CYP2A6: variants seen among roughly 807,000 people sequenced by gnomAD.
CYP2A6 encodes cytochrome P450 2A6.
Under a neutral mutation model 42.3 loss-of-function variants are expected in CYP2A6, and 27 were observed. The ratio of observed to expected loss-of-function variants is 0.64; its 90% CI spans 0.47 to 0.88. CYP2A6 has a LOEUF of 0.88. Among genes scored for constraint, CYP2A6 ranks in the 40% least tolerant of loss-of-function variants. The probability of loss-of-function intolerance (pLI) is 0.00; values close to 1 mark genes in which losing one functional copy is unlikely to be tolerated. For synonymous variants in CYP2A6, 238 were observed against 246.3 expected (o/e 0.97, Z 0.31); for missense variants, 628 against 646.0 (o/e 0.97, Z 0.30).
At position 40,843,645 on chromosome 19, in the gene CYP2A6, G is replaced by C. The variant is rs8192733; in HGVS notation, c.*151C>G. 415,704 of 941,984 alleles carry C rather than the reference G, an allele frequency of 0.44. 85,204 individuals are homozygous for C. Among genetic ancestry groups the C allele is most frequent in the Non-Finnish European group, 0.47 (331,243 of 703,504 alleles). 58.4% of individuals were successfully genotyped at this position (941,984 alleles called of 1,614,324 possible). A position where few individuals can be genotyped will look rare whatever the true frequency, so the allele number is the denominator to read the frequency against. On this transcript the variant is annotated 3_prime_UTR_variant, in exon 9 of 9. Coordinates refer to ENST00000301141, the MANE Select transcript of CYP2A6 (RefSeq NM_000762.6). ...GCACCTTATCAAGGTGAACTGAGCC[G>C]CTTCTGTTTCTTCTCTTCCCTCTAG... is the stretch of plus-strand genomic sequence containing the variant.
intron 8 of CYP2A6, 59 bp from the exon 9 acceptor site, chr19:40,844,036 C>T: frequency 1.3e-6 from 2 of 1,516,342 alleles, no homozygotes; most frequent in Non-Finnish European, 1.8e-6. Flanking sequence ...AGCCTCGCCC[C>T]AGTACCGACC....
At chr19:40,845,017 T>C in intron 7 of CYP2A6, 1 of 657,062 alleles carries the variant, frequency 1.5e-6, no homozygotes. Flanking sequence ...TTTCTGTCCC[T>C]ATGACAAAAG....
At chr19:40,846,399 C>T (rs1249089852) in intron 5 of CYP2A6, among the ~76,000 whole-genome samples, 7 of 150,866 alleles carry the variant, frequency 4.6e-5, no homozygotes, top group African/African-American at 7.3e-5. Flanking sequence ...TTGCACAGGC[C>T]GGACTCCAAC....
At chr19:40,844,821 G>A (rs1243339690) in intron 7 of CYP2A6, 49 bp from the exon 8 acceptor site, 4 of 1,578,788 alleles carry the variant, frequency 2.5e-6, no homozygotes, top group Non-Finnish European at 2.6e-6. Context: ...CGGGGGATTG[G>A]TGAAAGTACA....
Position 40,848,219 on chromosome 19 carries a change from C to T in CYP2A6, c.654G>A (p.Gln218=). ...IFQFTSTSTG[Q]LYEMFSSVMK... ...CACGGGCCGGGCTGCAGCCAGTTACCTGCCCCGTGGAGGTTGACGTGAACT... is the reference window on the plus strand; with the variant it reads ...CACGGGCCGGGCTGCAGCCAGTTACTTGCCCCGTGGAGGTTGACGTGAACT... The change falls in exon 4 of 9, where the codon CAG becomes CAA. Residue 218 remains glutamine (Q), a splice_region_variant and synonymous_variant. Coordinates refer to ENST00000301141, the MANE Select transcript of CYP2A6 (RefSeq NM_000762.6). 10 of 1,611,638 alleles carry T rather than the reference C, an allele frequency of 6.2e-6. 2 individuals carry two copies. The highest frequency in any genetic ancestry group is 3.3e-4 in the Middle Eastern group (2 of 6,056).
chr19:40,844,645 A>T lies in CYP2A6; in HGVS notation c.1289T>A (p.Val430Glu). 2 of 1,611,688 alleles carry T rather than the reference A, an allele frequency of 1.2e-6. No individual in the cohort carries two copies. The highest frequency in any genetic ancestry group is 1.7e-6 in the Non-Finnish European group (2 of 1,179,870). The change falls in exon 8 of 9, where the codon GTG becomes GAG. Residue 430 changes from valine (V) to glutamate (E), a missense_variant. Transcript: ENST00000301141. ...TGGTCTCTTACCGATGGAAAAGGGCACAAAAGCATCACTCTTCTTAAACTG... is the reference window on the plus strand; with the variant it reads ...TGGTCTCTTACCGATGGAAAAGGGCTCAAAAGCATCACTCTTCTTAAACTG... ...KGQFKKSDAF[V>E]PFSIGKRNCF...
At chr19:40,849,739 G>A in intron 2 of CYP2A6, 79 bp downstream of exon 2, 1 of 1,587,072 alleles carries the variant, frequency 6.3e-7, no homozygotes, top group South Asian at 1.2e-5. Flanking sequence ...CAGTTGGCAG[G>A]AGAGTCAGGG....
chr19:40,846,027 C>T lies in CYP2A6; in HGVS notation c.902G>A (p.Gly301Glu). ...LVMTTLNLFI[G>E]GTETVSTTLR... is the part of the protein sequence containing the mutation. ...GGTGGTGCTGACGGTCTCGGTGCCC[C>T]CAATGAAGAGGTTCAACGTGGTCAT... The change falls in exon 6 of 9, where the codon GGG (glycine) becomes GAG (glutamate). Residue 301 changes from glycine (G) to glutamate (E), a missense_variant. Transcript: ENST00000301141. 6.2e-7 allele frequency: 1 copy of T among 1,611,442 alleles called. No homozygotes were observed. The highest frequency in any genetic ancestry group is 1.7e-5 in the Admixed American group (1 of 59,952).
At position 40,849,051 on chromosome 19, in the gene CYP2A6, A is replaced by AGAG. The variant is rs1967170745; in HGVS notation, c.344-291_344-289dup. 2.5e-5 allele frequency among the ~76,000 whole-genome samples: 3 copies of AGAG among 118,490 alleles called. 1 individual carries two copies. The highest frequency in any genetic ancestry group is 9.9e-5 in the African/African-American group (3 of 30,386). The allele number at this position is 118,490 out of a possible 152,430, so 77.7% of individuals were successfully genotyped here. A position where few individuals can be genotyped will look rare whatever the true frequency, so the allele number is the denominator to read the frequency against. The stretch of plus-strand genomic sequence containing the variant: ...GAGAGAGAGAAGAGAGAGAGGAGAG[A>AGAG]GAGAGAGAGAGAGAGAGAGAGAGAG... On this transcript the variant is annotated intron_variant, in intron 2 of 8. Coordinates refer to ENST00000301141, the MANE Select transcript of CYP2A6 (RefSeq NM_000762.6).
chr19:40,849,543 G>A (rs1967182161), intron 2 of CYP2A6, among the ~76,000 whole-genome samples: 1 of 151,342 alleles, frequency 6.6e-6, no homozygotes, highest in African/African-American at 2.4e-5. Context: ...AACCCAGGAT[G>A]TCCTTAGAGA....
At position 40,845,356 on chromosome 19, in the gene CYP2A6, G is replaced by A. The variant is rs147883801; in HGVS notation, c.1099C>T (p.Pro367Ser). Reference sequence around the variant, plus strand: ...TTGACTCTGCGGGCCAAACTCATGGGGATCACGTCTCCAAATCTTTGGATC... The same window carrying A: ...TTGACTCTGCGGGCCAAACTCATGGAGATCACGTCTCCAAATCTTTGGATC... ...HEIQRFGDVI[P>S]MSLARRVKKD... The change falls in exon 7 of 9, where the codon CCC becomes TCC. Residue 367 changes from proline to serine, a missense_variant. By Grantham distance (74) the Pro-to-Ser change is moderately conservative (BLOSUM62 -1). This residue lies in a region of CYP2A6 where 606 missense variants were observed against 568.1 expected (regional missense o/e 1.07). Transcript: ENST00000301141. 6.2e-7 allele frequency: 1 copy of A among 1,611,622 alleles called. No homozygotes were observed. Among genetic ancestry groups the A allele is most frequent in the Non-Finnish European group, 8.5e-7 (1 of 1,179,876 alleles).
At chr19:40,850,050 T>A (rs1273623996) in intron 1 of CYP2A6, 70 bp from the exon 2 acceptor site, 2 of 1,587,684 alleles carry the variant, frequency 1.3e-6, no homozygotes, top group East Asian at 4.7e-5. Context: ...CACCGAGATG[T>A]CATGTGCTGG....
chr19:40,848,119 T>C lies in CYP2A6; in HGVS notation c.654+100A>G. Reference sequence around the variant, plus strand: ...TCGGGGACTGATTTTGAGGGGACACTGTCTGGAGGGCGGTGGGAGTTTGGG... The same window carrying C: ...TCGGGGACTGATTTTGAGGGGACACCGTCTGGAGGGCGGTGGGAGTTTGGG... On this transcript the variant is annotated intron_variant, in intron 4 of 8. Transcript: ENST00000301141. 4 of 1,564,690 alleles carry C rather than the reference T, an allele frequency of 2.6e-6. 1 individual carries two copies. The highest frequency in any genetic ancestry group is 2.6e-6 in the Non-Finnish European group (3 of 1,154,686).
chr19:40,848,511 C>T (rs1215106080), intron 3 of CYP2A6, 103 bp downstream of exon 3: 4 of 1,577,142 alleles, frequency 2.5e-6, no homozygotes, highest in Non-Finnish European at 2.6e-6. Context: ...GAAGTGCGGG[C>T]GCCTTTCCCC....
chr19:40,845,867 G>A (rs185020627), intron 6 of CYP2A6, 89 bp downstream of exon 6: 26 of 1,544,918 alleles, frequency 1.7e-5, no homozygotes, highest in East Asian at 4.7e-5. Flanking sequence ...TCAGGGTCCC[G>A]GGATCTGGGA....
In CYP2A6 at chr19:40,843,748, C is replaced by T. The variant is rs560208518; in HGVS notation, c.*48G>A. On this transcript the variant is annotated 3_prime_UTR_variant, in exon 9 of 9. Coordinates refer to ENST00000301141, the MANE Select transcript of CYP2A6 (RefSeq NM_000762.6). ...TCTCCCAAGCCCGGTCTTGGCCCTG[C>T]CCTTTCCCTGGCCCCGCCCACCAGA... The T allele has an allele frequency of 4.0e-6, 5 of 1,262,172 alleles. 2 individuals are homozygous for T. The highest frequency in any genetic ancestry group is 5.2e-6 in the Non-Finnish European group (5 of 953,942). 78.2% of individuals were successfully genotyped at this position (1,262,172 alleles called of 1,614,324 possible). A position where few individuals can be genotyped will look rare whatever the true frequency, so the allele number is the denominator to read the frequency against.
Position 40,850,056 on chromosome 19 carries a change from G to A in CYP2A6, c.181-76C>T, listed in dbSNP as rs1473843487. 1.0e-5 allele frequency: 16 copies of A among 1,578,198 alleles called. 1 individual carries two copies. Among genetic ancestry groups the A allele is most frequent in the Middle Eastern group, 1.8e-4 (1 of 5,654 alleles). ...GGGGCCCAGCACCGAGATGTCATGT[G>A]CTGGGATGCTTCGCACCCAGGTTCT... is the stretch of plus-strand genomic sequence containing the variant. On this transcript the variant is annotated intron_variant, in intron 1 of 8. Transcript: ENST00000301141.
intron 6 of CYP2A6, 90 bp from the exon 7 acceptor site, chr19:40,845,571 G>C: frequency 1.9e-6 from 3 of 1,559,938 alleles, no homozygotes. Context: ...TGGATGATAT[G>C]GCTCCGCCTA....
At chr19:40,845,169 A>G (rs1449384243) in intron 7 of CYP2A6, 125 bp downstream of exon 7, 2 of 1,217,530 alleles carry the variant, frequency 1.6e-6, no homozygotes, top group South Asian at 2.6e-5. Context: ...GTGGTTGGGG[A>G]AGTCTTTTTT....
Sources: gnomAD v4.1 joint callset for allele counts (sites outside exome capture counted in the v4.1 genomes callset) on GRCh38, gnomAD v4.1.1 for gene constraint, gnomAD v4.1.1 regional missense constraint, MANE v1.5 for transcripts, NCBI Gene and HGNC (gene_info 2026-07-23, HGNC 2026-07-21) for gene names.